The following ENTREP3 variants were observed in gnomAD, a reference collection of about 807,000 sequenced individuals.
ENTREP3 encodes protein ENTREP3.
the ENTREP3 span, chr1:155,255,016 A>T: frequency 1.5e-6 from 1 of 674,654 alleles, no homozygotes; most frequent in African/African-American, 1.8e-5. The surrounding 1 kb of genome is among the most constrained non-coding windows in gnomAD (Gnocchi z 5.6). Flanking sequence ...CCCCTGGGGC[A>T]TGGCCGAGGG....
chr1:155,248,528 C>T, the ENTREP3 span: 24 of 1,503,898 alleles, frequency 1.6e-5, no homozygotes, highest in Non-Finnish European at 2.0e-5. Context: ...TCTGTGGACA[C>T]GCCCACCCTC....
chr1:155,250,617 G>A, the ENTREP3 span: 2 of 1,609,738 alleles, frequency 1.2e-6, no homozygotes, highest in Non-Finnish European at 1.7e-6. The surrounding 1 kb of genome is among the most constrained non-coding windows in gnomAD (Gnocchi z 5.4). Context: ...CCGTGGCAGG[G>A]GGCTTTCCTC....
chr1:155,251,678 G>C, the ENTREP3 span: 20 of 1,605,102 alleles, frequency 1.2e-5, no homozygotes, highest in Non-Finnish European at 1.5e-5. Context: ...AGCAATCCAG[G>C]CCCAGCCCCA....
chr1:155,253,958 G>A, the ENTREP3 span: 8 of 1,612,948 alleles, frequency 5.0e-6, no homozygotes, highest in African/African-American at 2.7e-5. Flanking sequence ...CAGAGGGACA[G>A]CACACACAGA....
the ENTREP3 span, chr1:155,247,318 T>A: frequency 4.4e-6 from 2 of 456,030 alleles, no homozygotes; most frequent in African/African-American, 2.0e-5. Context: ...TGGGGTTACA[T>A]AGCTTGCCCA....
the ENTREP3 span, chr1:155,253,909 G>C: frequency 3.1e-6 from 5 of 1,612,904 alleles, no homozygotes; most frequent in Non-Finnish European, 4.2e-6. Flanking sequence ...GCAACTTTCA[G>C]TTCCTGCCCC....
At chr1:155,250,226 T>G in the ENTREP3 span, 1 of 1,488,854 alleles carries the variant, frequency 6.7e-7, no homozygotes, top group Non-Finnish European at 9.0e-7. The surrounding 1 kb of genome is among the most constrained non-coding windows in gnomAD (Gnocchi z 5.4). Flanking sequence ...GCCACCTAAC[T>G]CCCAGTGCCT....
chr1:155,250,356 G>C, the ENTREP3 span: 1 of 1,547,018 alleles, frequency 6.5e-7, no homozygotes, highest in African/African-American at 1.4e-5. This position sits in a 1 kb window ranked among gnomAD's most constrained non-coding sequence, Gnocchi z 5.4. Context: ...CGGATGAGGA[G>C]GCCGGTGCCC....
chr1:155,250,319 T>TGGC, the ENTREP3 span: 1 of 1,531,710 alleles, frequency 6.5e-7, no homozygotes, highest in Admixed American at 2.0e-5. This position sits in a 1 kb window ranked among gnomAD's most constrained non-coding sequence, Gnocchi z 5.4. Flanking sequence ...TGTGGGACCG[T>TGGC]GGCAGCAGCA....
At chr1:155,254,231 C>A in the ENTREP3 span, 2 of 1,540,650 alleles carry the variant, frequency 1.3e-6, no homozygotes, top group Non-Finnish European at 1.8e-6. The surrounding 1 kb of genome is among the most constrained non-coding windows in gnomAD (Gnocchi z 4.4). Context: ...GGCTGGGACC[C>A]TCATGAGTAC....
chr1:155,251,075 C>T, the ENTREP3 span: 2 of 1,607,048 alleles, frequency 1.2e-6, no homozygotes, highest in Non-Finnish European at 1.7e-6. Flanking sequence ...CTTGTCCACC[C>T]CTCATTACGC....
the ENTREP3 span, chr1:155,251,705 C>T: frequency 6.1e-5 from 98 of 1,611,794 alleles, no homozygotes; most frequent in Non-Finnish European, 7.6e-5. Flanking sequence ...TTCCTTAGCT[C>T]CCCCAGCAAG....
chr1:155,248,065 A>C, the ENTREP3 span: 1 of 1,614,218 alleles, frequency 6.2e-7, no homozygotes, highest in Non-Finnish European at 8.5e-7. Context: ...TATGTCCATG[A>C]GCTCCAGTCC....
chr1:155,247,551 C>T, the ENTREP3 span: 26 of 710,416 alleles, frequency 3.7e-5, no homozygotes, highest in Admixed American at 5.2e-4. Flanking sequence ...TAAGAAGGGG[C>T]ATCTCCCCCA....
the ENTREP3 span, chr1:155,252,717 TATATA>T: frequency 1.4e-4 from 9 of 62,264 alleles, no homozygotes; most frequent in African/African-American, 2.4e-4. Context: ...TATATATATA[TATATA>T]TTTTTTTTTT....
the ENTREP3 span, among the ~76,000 whole-genome samples, chr1:155,252,359 A>G: frequency 1.3e-5 from 2 of 151,732 alleles, no homozygotes; most frequent in East Asian, 3.9e-4. Context: ...AACCATGCCC[A>G]GCTAATTATT....
the ENTREP3 span, chr1:155,251,996 T>C: frequency 3.2e-6 from 3 of 931,850 alleles, no homozygotes; most frequent in Non-Finnish European, 4.6e-6. Context: ...TACATTATTT[T>C]TTCTGGCCCT....
the ENTREP3 span, chr1:155,250,471 G>C: frequency 2.0e-6 from 3 of 1,478,802 alleles, no homozygotes; most frequent in Non-Finnish European, 2.7e-6. The surrounding 1 kb of genome is among the most constrained non-coding windows in gnomAD (Gnocchi z 5.4). Context: ...CGCCGCCTCA[G>C]CTCGGGGAAG....
At chr1:155,248,727 T>A in the ENTREP3 span, among the ~76,000 whole-genome samples, 1 of 151,524 alleles carries the variant, frequency 6.6e-6, no homozygotes, top group South Asian at 2.1e-4. Context: ...CCTTTCTTAT[T>A]TTTTTGAGAT....
Sources: gnomAD v4.1 joint callset for allele counts (sites outside exome capture counted in the v4.1 genomes callset) on GRCh38, gnomAD v4.1.1 for gene constraint, Gnocchi (gnomAD v3.1) non-coding constraint, MANE v1.5 for transcripts, NCBI Gene and HGNC (gene_info 2026-07-23, HGNC 2026-07-21) for gene names.